DAB1: variants seen among roughly 807,000 people sequenced by gnomAD.
The protein encoded by DAB1 is disabled homolog 1.
In DAB1, 15 loss-of-function variants were observed where a neutral mutation model predicts 64.6. The observed-to-expected ratio is 0.23, with a 90% CI of 0.16 to 0.36. DAB1 has a LOEUF of 0.36. DAB1 is among the 10% of genes least tolerant of loss of function. The pLI is 1.00. For missense variants in DAB1, 596 were observed against 706.7 expected, an observed-to-expected ratio of 0.84 and a Z score of 1.78; for synonymous variants, 235 against 251.9, an observed-to-expected ratio of 0.93 and a Z score of 0.64.
intron 3 of DAB1, among the ~76,000 whole-genome samples, chr1:58,386,303 A>G (rs1644431451): frequency 6.6e-6 from 1 of 152,194 alleles, no homozygotes; most frequent in Non-Finnish European, 1.5e-5. Flanking sequence ...ATGTATGAAT[A>G]GTTTGATACG....
chr1:58,237,859 A>G (rs1409984642), intron 4 of DAB1, among the ~76,000 whole-genome samples: 2 of 152,248 alleles, frequency 1.3e-5, no homozygotes, highest in Non-Finnish European at 2.9e-5. Context: ...TATTGAGCAC[A>G]TGAGATAATC....
intron 2 of DAB1, among the ~76,000 whole-genome samples, chr1:57,240,943 C>T (rs2100475356): frequency 6.6e-6 from 1 of 152,292 alleles, no homozygotes; most frequent in East Asian, 1.9e-4. Flanking sequence ...TCTTGCATCT[C>T]CTGGTGGGAT....
At chr1:58,355,550 T>A (rs977836383) in intron 3 of DAB1, among the ~76,000 whole-genome samples, 3 of 152,180 alleles carry the variant, frequency 2.0e-5, no homozygotes, top group Non-Finnish European at 4.4e-5. Flanking sequence ...AATGTCCAGA[T>A]TAGATTAGTT....
intron 5 of DAB1, among the ~76,000 whole-genome samples, chr1:57,900,832 T>C (rs182356809): frequency 2.2e-3 from 337 of 152,272 alleles, no homozygotes; most frequent in African/African-American, 7.8e-3. Context: ...AATTACTTGG[T>C]GAATGTTCTT....
At chr1:58,182,234 A>G (rs569837291) in intron 4 of DAB1, among the ~76,000 whole-genome samples, 16 of 151,788 alleles carry the variant, frequency 1.1e-4, no homozygotes, top group African/African-American at 3.9e-4. Flanking sequence ...TTGGTTTTCA[A>G]TCGTTTGACT....
chr1:57,327,687 T>C (rs1446313884), intron 1 of DAB1, among the ~76,000 whole-genome samples: 3 of 152,142 alleles, frequency 2.0e-5, no homozygotes. Flanking sequence ...CAAATCCTAT[T>C]AAGCAATGCT....
intron 3 of DAB1, among the ~76,000 whole-genome samples, chr1:58,453,204 GA>G (rs1645157375): frequency 6.6e-6 from 1 of 152,084 alleles, no homozygotes; most frequent in South Asian, 2.1e-4. Context: ...GAGAACTAGT[GA>G]TCACCGGGGG....
intron 3 of DAB1, among the ~76,000 whole-genome samples, chr1:58,350,277 T>C (rs1478278709): frequency 6.6e-6 from 1 of 152,248 alleles, no homozygotes; most frequent in African/African-American, 2.4e-5. Context: ...TCTGCTCATA[T>C]CCTCTGCACA....
chr1:57,105,178 A>G (rs747227414), intron 4 of DAB1, among the ~76,000 whole-genome samples: 1 of 152,078 alleles, frequency 6.6e-6, no homozygotes, highest in Non-Finnish European at 1.5e-5. Context: ...TGGATATTTT[A>G]CAAATTCTTT....
In DAB1 at chr1:57,321,191, CAA is replaced by C. The variant is rs374262082; in HGVS notation, c.-136-30027_-136-30026del. Among the ~76,000 whole-genome samples, 556 of 152,246 alleles carry C rather than the reference CAA, an allele frequency of 3.7e-3. 3 individuals carry two copies. The highest frequency in any genetic ancestry group is 0.013 in the African/African-American group (536 of 41,544). ...ACTCCAATTTCAGCACTTGACTTTG[CAA>C]AGTCTCAATCTATTAAATAGAATCC... On this transcript the variant is annotated intron_variant, in intron 1 of 14. Coordinates refer to ENST00000371236, the MANE Select transcript of DAB1 (RefSeq NM_001365792.1).
At chr1:57,735,269 A>G (rs554072063) in intron 6 of DAB1, among the ~76,000 whole-genome samples, 1 of 152,308 alleles carries the variant, frequency 6.6e-6, no homozygotes, top group East Asian at 1.9e-4. Flanking sequence ...CTGATTTGCT[A>G]TGTGACCTAT....
intron 7 of DAB1, among the ~76,000 whole-genome samples, chr1:57,608,804 T>C (rs1645691522): frequency 6.6e-6 from 1 of 152,290 alleles, no homozygotes; most frequent in Non-Finnish European, 1.5e-5. Context: ...ACATATGTTC[T>C]TAACCCCTAC....
intron 4 of DAB1, among the ~76,000 whole-genome samples, chr1:58,270,403 C>T (rs1661286901): frequency 8.6e-6 from 1 of 116,882 alleles, no homozygotes; most frequent in Non-Finnish European, 1.7e-5. Flanking sequence ...GGTACCAGTA[C>T]CATGCTGTTT....
chr1:57,416,816 C>G (rs1204966127), intron 1 of DAB1, among the ~76,000 whole-genome samples: 1 of 152,120 alleles, frequency 6.6e-6, no homozygotes, highest in Non-Finnish European at 1.5e-5. Flanking sequence ...ATTCCAGACA[C>G]CGGAGTTAAA....
intron 5 of DAB1, among the ~76,000 whole-genome samples, chr1:58,031,279 A>G (rs1486533768): frequency 6.6e-6 from 1 of 152,174 alleles, no homozygotes; most frequent in African/African-American, 2.4e-5. Flanking sequence ...GAAGTAATGC[A>G]TTGGGACCGG....
At chr1:58,192,908 A>G (rs1027503379) in intron 4 of DAB1, among the ~76,000 whole-genome samples, 1 of 152,206 alleles carries the variant, frequency 6.6e-6, no homozygotes, top group Non-Finnish European at 1.5e-5. Flanking sequence ...CTGTGGATGG[A>G]GGGTGGTAAT....
intron 3 of DAB1, among the ~76,000 whole-genome samples, chr1:57,139,842 C>A (rs510824): frequency 3.3e-5 from 5 of 151,946 alleles, no homozygotes; most frequent in Non-Finnish European, 7.4e-5. Flanking sequence ...AAAAAGCCAA[C>A]ATACATGTTC....
At chr1:57,540,364 C>T (rs369933492) in intron 7 of DAB1, among the ~76,000 whole-genome samples, 1 of 152,082 alleles carries the variant, frequency 6.6e-6, no homozygotes, top group Non-Finnish European at 1.5e-5. Context: ...TAAATTAGTA[C>T]AACCACTATG....
chr1:57,092,718 AG>A (rs1653807477), intron 4 of DAB1, among the ~76,000 whole-genome samples: 1 of 142,598 alleles, frequency 7.0e-6, no homozygotes, highest in Non-Finnish European at 1.5e-5. Context: ...ATGGTGTGCC[AG>A]GTGCCCTGAG....
Sources: allele counts gnomAD v4.1 joint callset (sites outside exome capture counted in the v4.1 genomes callset), GRCh38; gene constraint gnomAD v4.1.1; transcripts MANE v1.5; gene names NCBI Gene and HGNC (gene_info 2026-07-23, HGNC 2026-07-21).